COL22A1: variants seen among roughly 807,000 people sequenced by gnomAD.
COL22A1 encodes the protein collagen type XXII alpha 1 chain.
COL22A1 carries 221 observed loss-of-function variants against 248.9 expected under a neutral mutation model. The ratio of observed to expected loss-of-function variants is 0.89; its 90% CI spans 0.80 to 0.99. The LOEUF is 0.99. Ranked by LOEUF, COL22A1 falls within the 50% of genes least tolerant of loss-of-function variation. COL22A1 has a pLI of 0.00. For missense variants in COL22A1, 2,240 were observed against 2,179.0 expected (o/e 1.03, Z -0.56); for synonymous variants, 891 against 793.4 (o/e 1.12, Z -2.07).
intron 41 of COL22A1, among the ~76,000 whole-genome samples, chr8:138,664,209 G>GCA (rs1173353118): frequency 0.013 from 1,352 of 103,086 alleles, 26 homozygotes; most frequent in African/African-American, 0.032. Flanking sequence ...GCGCGCGCGC[G>GCA]CACACACACA....
chr8:138,911,440 GA>G (rs1265332867), intron 1 of COL22A1, among the ~76,000 whole-genome samples: 1 of 152,166 alleles, frequency 6.6e-6, no homozygotes, highest in Non-Finnish European at 1.5e-5. Context: ...CTCTTACAAT[GA>G]AATCAGAGAG....
chr8:138,739,490 A>T (rs1254840522), intron 22 of COL22A1, among the ~76,000 whole-genome samples: 4 of 152,172 alleles, frequency 2.6e-5, no homozygotes, highest in African/African-American at 9.7e-5. Context: ...ACGCTGCCGT[A>T]ATTTCCTTAG....
chr8:138,840,141 G>A (rs11775793), intron 4 of COL22A1, among the ~76,000 whole-genome samples: 1 of 151,912 alleles, frequency 6.6e-6, no homozygotes, highest in Non-Finnish European at 1.5e-5. Flanking sequence ...CCAGAATACA[G>A]AAGCTGTCCC....
At chr8:138,606,770 G>A (rs935231556) in intron 57 of COL22A1, among the ~76,000 whole-genome samples, 1 of 152,146 alleles carries the variant, frequency 6.6e-6, no homozygotes, top group South Asian at 2.1e-4. Flanking sequence ...GAGTGCTCTA[G>A]TGAGATGGCA....
chr8:138,613,633 C>A (rs552021717), intron 56 of COL22A1, among the ~76,000 whole-genome samples: 78 of 151,776 alleles, frequency 5.1e-4, no homozygotes, highest in African/African-American at 1.8e-3. Flanking sequence ...CCAGCAGTGC[C>A]CCGTGGCACC....
chr8:138,632,191 G>C (rs769083944), intron 49 of COL22A1, among the ~76,000 whole-genome samples: 1 of 152,200 alleles, frequency 6.6e-6, no homozygotes, highest in Non-Finnish European at 1.5e-5. Context: ...GCACAGAAGA[G>C]AGGGTATTGG....
At chr8:138,697,859 C>T (rs1182647432) in intron 32 of COL22A1, among the ~76,000 whole-genome samples, 1 of 152,236 alleles carries the variant, frequency 6.6e-6, no homozygotes, top group African/African-American at 2.4e-5. Context: ...AAGCCAGTCC[C>T]GGGGAGACTC....
chr8:138,742,022 T>A (rs1016862913), intron 22 of COL22A1, among the ~76,000 whole-genome samples: 18 of 131,312 alleles, frequency 1.4e-4, no homozygotes, highest in Non-Finnish European at 2.7e-4. Context: ...GATGGTAGAG[T>A]TGATGGTGAT....
Position 138,878,064 on chromosome 8 carries a change from G to C in COL22A1, c.344C>G (p.Thr115Ser). 3 of 1,597,862 alleles carry C rather than the reference G, an allele frequency of 1.9e-6. No homozygotes were observed. The highest frequency in any genetic ancestry group is 2.3e-5 in the South Asian group (2 of 88,290). The part of the protein sequence containing the change: ...ARRLAYHGGN[T>S]NTGDALRYIT... ...GTAGCGGAGCGCGTCTCCCGTGTTGGTGTTGCCCCCGTGGTAGGCGAGACG... is the reference window on the plus strand; with the variant it reads ...GTAGCGGAGCGCGTCTCCCGTGTTGCTGTTGCCCCCGTGGTAGGCGAGACG... The change falls in exon 3 of 65, where the codon ACC becomes AGC. Residue 115 changes from threonine (T) to serine (S), a missense_variant. Physicochemically the swap from Thr to Ser is moderately conservative, Grantham distance 58. Transcript: ENST00000303045.
chr8:138,763,906 A>T (rs560827557), intron 16 of COL22A1, among the ~76,000 whole-genome samples: 2 of 152,230 alleles, frequency 1.3e-5, no homozygotes, highest in African/African-American at 4.8e-5. Context: ...GCACCTCCCC[A>T]GTCACACGAG....
At chr8:138,647,574 A>G (rs118008542) in intron 46 of COL22A1, among the ~76,000 whole-genome samples, 101 of 152,270 alleles carry the variant, frequency 6.6e-4, no homozygotes, top group Non-Finnish European at 1.2e-3. Context: ...CACACATTGC[A>G]TGTTCTTTAT....
intron 1 of COL22A1, among the ~76,000 whole-genome samples, chr8:138,886,691 A>G (rs1051682252): frequency 5.9e-5 from 9 of 152,202 alleles, no homozygotes; most frequent in Non-Finnish European, 1.3e-4. Context: ...GTTTCAAGAA[A>G]TGGGCTAAGC....
chr8:138,792,463 T>G (rs903958499), intron 12 of COL22A1, among the ~76,000 whole-genome samples: 43 of 152,220 alleles, frequency 2.8e-4, no homozygotes, highest in African/African-American at 9.9e-4. Flanking sequence ...TTCAACTGGC[T>G]CCTTTCATGG....
At chr8:138,784,404 A>G (rs1284237156) in intron 12 of COL22A1, among the ~76,000 whole-genome samples, 1 of 152,230 alleles carries the variant, frequency 6.6e-6, no homozygotes, top group Non-Finnish European at 1.5e-5. Flanking sequence ...TCTTCCTTGG[A>G]GCATGCTGTC....
rs1034792295 is a variant in COL22A1 at position 138,699,993 on chromosome 8, A to G, written c.2592+119T>C. 4.4e-6 allele frequency: 4 copies of G among 914,102 alleles called. No individual in the cohort carries two copies. In the African/African-American group the frequency reaches 6.6e-5, roughly 15 times the overall value. The allele number at this position is 914,102 out of a possible 1,614,324, so 56.6% of individuals were successfully genotyped here. A position where few individuals can be genotyped will look rare whatever the true frequency, so the allele number is the denominator to read the frequency against. On this transcript the variant is annotated intron_variant, in intron 32 of 64. Transcript: ENST00000303045. ...AAGCCCAGCAGCCCAGATCCCTGAC[A>G]GTGATGAACGCGATGGGGCTGAGTC...
At chr8:138,882,880 T>C (rs34614941) in intron 2 of COL22A1, among the ~76,000 whole-genome samples, 1 of 152,180 alleles carries the variant, frequency 6.6e-6, no homozygotes, top group African/African-American at 2.4e-5. Flanking sequence ...GTCAGACATA[T>C]ACAGGCCCTT....
Position 138,913,975 on chromosome 8 carries a change from CGCAGCCTCGGCCA to C in COL22A1, c.-442_-430del, listed in dbSNP as rs1318172246. ...AAGACACTTCCTTGGGGAGAAACGCCGCAGCCTCGGCCAGCCCCGCCACTGCCCAGGAACAAAG... is the reference window on the plus strand; with the variant it reads ...AAGACACTTCCTTGGGGAGAAACGCCGCCCCGCCACTGCCCAGGAACAAAG... On this transcript the variant is annotated 5_prime_UTR_variant, in exon 1 of 65. Transcript: ENST00000303045. The C allele has an allele frequency of 6.5e-6, 1 of 152,718 alleles. No individual in the cohort carries two copies. The highest frequency in any genetic ancestry group is 1.5e-5 in the Non-Finnish European group (1 of 68,476). 9.5% of individuals were successfully genotyped at this position (152,718 alleles called of 1,614,324 possible). A position where few individuals can be genotyped will look rare whatever the true frequency, so the allele number is the denominator to read the frequency against.
chr8:138,592,470 T>G (rs1817156173), intron 63 of COL22A1, among the ~76,000 whole-genome samples: 1 of 152,242 alleles, frequency 6.6e-6, no homozygotes. Context: ...ATGTTCTCTG[T>G]TTTATGCTTT....
At chr8:138,678,421 C>A (rs1394652132) in intron 40 of COL22A1, among the ~76,000 whole-genome samples, 1 of 152,154 alleles carries the variant, frequency 6.6e-6, no homozygotes, top group Non-Finnish European at 1.5e-5. Context: ...CTCATCTCTG[C>A]CAGCAGTTCC....
Sources: gnomAD v4.1 joint callset for allele counts (sites outside exome capture counted in the v4.1 genomes callset) on GRCh38, gnomAD v4.1.1 for gene constraint, MANE v1.5 for transcripts, NCBI Gene and HGNC (gene_info 2026-07-23, HGNC 2026-07-21) for gene names.